SLC6A5: variants seen among roughly 807,000 people sequenced by gnomAD.
SLC6A5 encodes sodium- and chloride-dependent glycine transporter 2.
In SLC6A5, 58 loss-of-function variants were observed where a neutral mutation model predicts 90.5. That is an observed-to-expected ratio of 0.64 (90% CI 0.52 to 0.80). The LOEUF (loss-of-function observed/expected upper bound fraction) is 0.80, where lower values mean the gene tolerates loss of function less well. Among genes scored for constraint, SLC6A5 ranks in the 30% least tolerant of loss-of-function variants. The pLI is 0.00. For missense variants in SLC6A5, 1,015 were observed against 1,017.6 expected (o/e 1.00, Z 0.03); for synonymous variants, 427 against 401.4 (o/e 1.06, Z -0.76).
rs1853628396 is a variant in SLC6A5, at chr11:20,655,653, C to G, written c.*785C>G. 6.6e-6 allele frequency: 1 copy of G among 152,420 alleles called. No homozygotes were observed. Among genetic ancestry groups the G allele is most frequent in the East Asian group, 1.9e-4 (1 of 5,200 alleles). 9.4% of individuals were successfully genotyped at this position (152,420 alleles called of 1,614,324 possible). The stretch of plus-strand genomic sequence containing the variant: ...TAAGTTGTGCCTCATTTTGTACGTT[C>G]ATAGTAGAGCTCCATGCTCATTTCT... On this transcript the variant is annotated 3_prime_UTR_variant, in exon 16 of 16. Coordinates refer to ENST00000525748, the MANE Select transcript of SLC6A5 (RefSeq NM_004211.5).
In SLC6A5 at chr11:20,607,571, T is replaced by G; in HGVS notation, c.904T>G (p.Phe302Val). The stretch of plus-strand genomic sequence containing the variant: ...TACACTTTTCTACCTGTTTGCCTCC[T>G]TTGTGTCTGTACTACCCTGGGGCTC... ...CYTLFYLFAS[F>V]VSVLPWGSCN... The change falls in exon 5 of 16, where the codon TTT becomes GTT. Residue 302 changes from phenylalanine (F) to valine (V), a missense_variant. Around this residue, in one of 3 missense-constraint regions of SLC6A5, gnomAD observed 567 missense variants for 507.3 expected, o/e 1.12. Coordinates refer to ENST00000525748, the MANE Select transcript of SLC6A5 (RefSeq NM_004211.5). The G allele has an allele frequency of 6.2e-7, 1 of 1,614,114 alleles. No homozygotes were observed. Among genetic ancestry groups the G allele is most frequent in the Non-Finnish European group, 8.5e-7 (1 of 1,179,948 alleles).
intron 13 of SLC6A5, among the ~76,000 whole-genome samples, chr11:20,646,413 C>G (rs1853415975): frequency 6.6e-6 from 1 of 152,168 alleles, no homozygotes; most frequent in South Asian, 2.1e-4. Context: ...ATGATTTTCT[C>G]TCTAAATTCC....
At chr11:20,652,723 C>CTCCTCTTTCCTGGAGTT (rs1176890537) in intron 15 of SLC6A5, among the ~76,000 whole-genome samples, 2 of 152,278 alleles carry the variant, frequency 1.3e-5, no homozygotes, top group Middle Eastern at 3.4e-3. Context: ...ATCGGAGGGT[C>CTCCTCTTTCCTGGAGTT]TCCTCTTTCC....
Position 20,655,094 on chromosome 11 carries a change from T to A in SLC6A5, c.*226T>A, listed in dbSNP as rs1405541247. 1.8e-6 allele frequency: 1 copy of A among 565,030 alleles called. No individual in the cohort carries two copies. Among genetic ancestry groups the A allele is most frequent in the African/African-American group, 1.9e-5 (1 of 53,908 alleles). The allele number at this position is 565,030 out of a possible 1,614,324, so 35.0% of individuals were successfully genotyped here. On this transcript the variant is annotated 3_prime_UTR_variant, in exon 16 of 16. Transcript: ENST00000525748. ...TGTTTGCCTGTGCCCATGGTGACTG[T>A]TTCTGGTCAGGTTGGTCCCCTGACC...
intron 14 of SLC6A5, among the ~76,000 whole-genome samples, chr11:20,650,670 TTTTTTTTTTTTTTTG>T: frequency 7.2e-6 from 1 of 138,576 alleles, no homozygotes; most frequent in African/African-American, 2.7e-5. Flanking sequence ...TTTTTTTTTT[TTTTTTTTTTTTTTTG>T]AGATGGAGTC....
At chr11:20,612,871 A>G (rs867532999) in intron 5 of SLC6A5, among the ~76,000 whole-genome samples, 24 of 152,160 alleles carry the variant, frequency 1.6e-4, no homozygotes, top group Admixed American at 8.5e-4. Flanking sequence ...AACACATTCA[A>G]TATTTTTAAA....
chr11:20,624,633 G>C (rs1191038157), intron 7 of SLC6A5, among the ~76,000 whole-genome samples: 1 of 152,164 alleles, frequency 6.6e-6, no homozygotes, highest in Non-Finnish European at 1.5e-5. Context: ...ATGGGGGCAG[G>C]TATTCCAGTT....
At chr11:20,648,158 C>A (rs1478656911) in intron 14 of SLC6A5, among the ~76,000 whole-genome samples, 1 of 152,160 alleles carries the variant, frequency 6.6e-6, no homozygotes, top group African/African-American at 2.4e-5. Flanking sequence ...GTAATTCCCA[C>A]AGAATCCAGT....
At chr11:20,630,554 G>A in intron 9 of SLC6A5, 137 bp from the exon 10 acceptor site, 1 of 1,018,222 alleles carries the variant, frequency 9.8e-7, no homozygotes, top group Non-Finnish European at 1.5e-6. Context: ...GGGAGCCTGT[G>A]GTTAGGACAT....
intron 2 of SLC6A5, among the ~76,000 whole-genome samples, chr11:20,602,268 A>AT (rs1284621175): frequency 4.0e-5 from 6 of 151,898 alleles, no homozygotes; most frequent in Admixed American, 2.0e-4. Flanking sequence ...ATAATTTTCT[A>AT]TTTTTTTCCC....
Position 20,657,299 on chromosome 11 carries a change from C to T in SLC6A5, c.*2431C>T, listed in dbSNP as rs552445575. 4.6e-5 allele frequency: 7 copies of T among 152,302 alleles called. No individual in the cohort carries two copies. The highest frequency in any genetic ancestry group is 3.9e-4 in the Admixed American group (6 of 15,302). 9.4% of individuals were successfully genotyped at this position (152,302 alleles called of 1,614,324 possible). A position where few individuals can be genotyped will look rare whatever the true frequency, so the allele number is the denominator to read the frequency against. ...TTAATTGTGAGAACGGAGACCTCAT[C>T]ACTAGCTGCATGTTTTGGATTTGGG... On this transcript the variant is annotated 3_prime_UTR_variant, in exon 16 of 16. Transcript: ENST00000525748.
chr11:20,601,227 G>C lies in SLC6A5; in HGVS notation c.102G>C (p.Thr34=). 6.3e-7 allele frequency: 1 copy of C among 1,582,418 alleles called. No homozygotes were observed. Among genetic ancestry groups the C allele is most frequent in the South Asian group, 1.1e-5 (1 of 88,844 alleles). Residue 34 remains threonine, a synonymous_variant, in exon 2 of 16, where the codon ACG becomes ACC. Coordinates refer to ENST00000525748, the MANE Select transcript of SLC6A5 (RefSeq NM_004211.5). The stretch of plus-strand genomic sequence containing the variant: ...CGGATGGCCCATGCGCTCCCAGGAC[G>C]AGCCCGGAGCAGGAGCTTCCCGCGG... ...GHPDGPCAPR[T]SPEQELPAAA...
intron 5 of SLC6A5, among the ~76,000 whole-genome samples, chr11:20,613,955 G>A (rs1246731038): frequency 6.6e-6 from 1 of 152,058 alleles, no homozygotes; most frequent in Non-Finnish European, 1.5e-5. Flanking sequence ...AACTAAAAAT[G>A]CCTCCAGACT....
At chr11:20,653,179 C>T (rs916105065) in intron 15 of SLC6A5, among the ~76,000 whole-genome samples, 4 of 152,140 alleles carry the variant, frequency 2.6e-5, no homozygotes, top group Admixed American at 2.6e-4. Flanking sequence ...AATCACTCAG[C>T]CCTGCCTCGG....
chr11:20,627,975 C>T lies in SLC6A5; in HGVS notation c.1396-5C>T, dbSNP rs774510320. 5 of 1,612,276 alleles carry T rather than the reference C, an allele frequency of 3.1e-6. No homozygotes were observed. Among genetic ancestry groups the T allele is most frequent in the Admixed American group, 1.7e-5 (1 of 60,022 alleles). ...TCTTGAATCTCTTTCCCTTTTGCCT[C>T]TCAGGTGTGGAAAGATGCTGCCACT... On this transcript the variant is annotated splice_region_variant and splice_polypyrimidine_tract_variant and intron_variant, in intron 8 of 15. Coordinates refer to ENST00000525748, the MANE Select transcript of SLC6A5 (RefSeq NM_004211.5).
At chr11:20,608,936 C>G (rs900402802) in intron 5 of SLC6A5, among the ~76,000 whole-genome samples, 880 of 65,482 alleles carry the variant, frequency 0.013, 3 homozygotes, top group African/African-American at 0.055. Context: ...CTCTCTCTCT[C>G]TCTCTCTCTC....
Position 20,638,508 on chromosome 11 carries a change from C to T in SLC6A5, c.1919C>T (p.Ala640Val), listed in dbSNP as rs1418541031. Reference sequence around the variant, plus strand: ...GTGGACACCTATGCTGCCTCCTATGCCCTTGTCATCATTGCCATTTTTGAG... The same window carrying T: ...GTGGACACCTATGCTGCCTCCTATGTCCTTGTCATCATTGCCATTTTTGAG... ...QLVDTYAASY[A>V]LVIIAIFELV... The change falls in exon 13 of 16, where the codon GCC (alanine) becomes GTC (valine). Residue 640 changes from alanine (A) to valine (V), a missense_variant. By Grantham distance (64) the Ala-to-Val change is moderately conservative. Transcript: ENST00000525748. 1.2e-6 allele frequency: 2 copies of T among 1,613,372 alleles called. No individual in the cohort carries two copies. The highest frequency in any genetic ancestry group is 2.2e-5 in the East Asian group (1 of 44,872).
intron 3 of SLC6A5, among the ~76,000 whole-genome samples, chr11:20,606,629 C>A (rs1852586520): frequency 6.6e-6 from 1 of 152,022 alleles, no homozygotes. Context: ...GATAAGATTT[C>A]ACCAACCTGA....
At chr11:20,611,215 G>A (rs1852686810) in intron 5 of SLC6A5, among the ~76,000 whole-genome samples, 1 of 152,182 alleles carries the variant, frequency 6.6e-6, no homozygotes, top group African/African-American at 2.4e-5. Flanking sequence ...AGCACCTTGG[G>A]AAGCCAAGGT....
Sources: allele counts gnomAD v4.1 joint callset (sites outside exome capture counted in the v4.1 genomes callset), GRCh38; gene constraint gnomAD v4.1.1; regional missense constraint gnomAD v4.1.1; transcripts MANE v1.5; gene names NCBI Gene and HGNC (gene_info 2026-07-23, HGNC 2026-07-21).